Variants in GPC6 observed in about 807,000 individuals in gnomAD.
GPC6 encodes the protein glypican 6.
In GPC6, 14 loss-of-function variants were observed where a neutral mutation model predicts 55.2. The ratio of observed to expected loss-of-function variants is 0.25; its 90% CI spans 0.17 to 0.40. GPC6 has a LOEUF of 0.40. Among genes scored for constraint, GPC6 ranks in the 10% least tolerant of loss-of-function variants. GPC6 has a pLI of 1.00. For synonymous variants in GPC6, 278 were observed against 259.6 expected (o/e 1.07, Z -0.68); for missense variants, 641 against 708.5 (o/e 0.90, Z 1.08).
chr13:93,801,093 A>T (rs570046322), intron 2 of GPC6, among the ~76,000 whole-genome samples: 1 of 152,310 alleles, frequency 6.6e-6, no homozygotes, highest in East Asian at 1.9e-4. Context: ...AAAGTCTAAT[A>T]AAAAGCATTG....
chr13:94,113,742 C>A (rs936557774), intron 4 of GPC6, among the ~76,000 whole-genome samples: 2 of 151,992 alleles, frequency 1.3e-5, no homozygotes, highest in East Asian at 3.9e-4. Context: ...GACTATAGGC[C>A]GGGCATAGTA....
intron 2 of GPC6, among the ~76,000 whole-genome samples, chr13:93,711,435 A>G (rs1033177263): frequency 6.6e-6 from 1 of 151,754 alleles, no homozygotes. Flanking sequence ...CCTCCCTCAC[A>G]GGACACGTGG....
At chr13:93,287,291 A>G (rs751888032) in intron 1 of GPC6, among the ~76,000 whole-genome samples, 6 of 152,204 alleles carry the variant, frequency 3.9e-5, no homozygotes, top group East Asian at 1.9e-4. Flanking sequence ...AAAGTCGCCA[A>G]TGAGAACAGA....
rs566945389 is a variant in GPC6 at position 93,764,931 on chromosome 13, C to G, written c.320-65223C>G. On this transcript the variant is annotated intron_variant, in intron 2 of 8. Coordinates refer to ENST00000377047, the MANE Select transcript of GPC6 (RefSeq NM_005708.5). ...TCTGCTGCCTCAGCCTCCCGAGTAG[C>G]TGGGACTACAGGCGCGTGCCACCAC... is the stretch of plus-strand genomic sequence containing the variant. 4.1e-4 allele frequency among the ~76,000 whole-genome samples: 62 copies of G among 152,242 alleles called. 1 individual carries two copies. In the South Asian group the frequency reaches 0.012, roughly 29 times the overall value.
chr13:94,365,044 G>A (rs1035685828), intron 6 of GPC6, among the ~76,000 whole-genome samples: 2 of 152,156 alleles, frequency 1.3e-5, no homozygotes, highest in Non-Finnish European at 2.9e-5. Context: ...CTAGGAGATG[G>A]GACACACATC....
intron 1 of GPC6, among the ~76,000 whole-genome samples, chr13:93,479,554 C>T (rs532160774): frequency 5.9e-5 from 9 of 151,700 alleles, no homozygotes; most frequent in Non-Finnish European, 8.8e-5. Context: ...GAGGCCAAGG[C>T]GGGCAGATCA....
At chr13:93,761,475 A>G (rs1459209869) in intron 2 of GPC6, among the ~76,000 whole-genome samples, 3 of 152,292 alleles carry the variant, frequency 2.0e-5, no homozygotes, top group South Asian at 2.1e-4. Context: ...ATCTCCTGCT[A>G]TACCTGTGAA....
At chr13:94,267,379 T>C (rs1030114467) in intron 4 of GPC6, among the ~76,000 whole-genome samples, 5 of 152,196 alleles carry the variant, frequency 3.3e-5, no homozygotes, top group Admixed American at 2.6e-4. Flanking sequence ...ATATTTTTTC[T>C]GGGTCAAAAT....
chr13:93,865,462 C>T lies in GPC6; in HGVS notation c.711+34917C>T, dbSNP rs535416849. ...TCTGCTCTGCAGACAGACAGCACTT[C>T]GTTTAAGTGGCTTTCCAGATATCTC... On this transcript the variant is annotated intron_variant, in intron 3 of 8. Coordinates refer to ENST00000377047, the MANE Select transcript of GPC6 (RefSeq NM_005708.5). Among the ~76,000 whole-genome samples, 404 of 151,798 alleles carry T rather than the reference C, an allele frequency of 2.7e-3. 1 individual carries two copies. Among genetic ancestry groups the T allele is most frequent in the Non-Finnish European group, 3.8e-3 (260 of 67,788 alleles).
At chr13:93,959,257 A>C (rs1206486493) in intron 3 of GPC6, among the ~76,000 whole-genome samples, 3 of 150,400 alleles carry the variant, frequency 2.0e-5, no homozygotes, top group African/African-American at 7.4e-5. Flanking sequence ...CCGCCTCCCG[A>C]GTTCAAGCGA....
chr13:93,746,960 A>G (rs532374032), intron 2 of GPC6, among the ~76,000 whole-genome samples: 2 of 152,348 alleles, frequency 1.3e-5, no homozygotes, highest in South Asian at 4.1e-4. Context: ...AATTTTGAAG[A>G]CATATGTGAA....
chr13:93,710,947 T>G (rs916064088), intron 2 of GPC6, among the ~76,000 whole-genome samples: 2 of 151,804 alleles, frequency 1.3e-5, no homozygotes, highest in Non-Finnish European at 2.9e-5. Flanking sequence ...AAAAATAAAT[T>G]ACTTATTAGA....
At chr13:94,267,967 A>G (rs1891869274) in intron 4 of GPC6, among the ~76,000 whole-genome samples, 1 of 152,254 alleles carries the variant, frequency 6.6e-6, no homozygotes, top group African/African-American at 2.4e-5. Context: ...GAAAGAAACA[A>G]AAATTAAACA....
intron 4 of GPC6, among the ~76,000 whole-genome samples, chr13:94,208,032 A>G (rs1889957550): frequency 6.6e-6 from 1 of 152,166 alleles, no homozygotes; most frequent in African/African-American, 2.4e-5. Context: ...TGTCTCTCCA[A>G]TCCATAGAGA....
chr13:94,313,112 A>T lies in GPC6; in HGVS notation c.1152+6989A>T, dbSNP rs181382060. 1.4e-4 allele frequency among the ~76,000 whole-genome samples: 21 copies of T among 151,966 alleles called. No homozygotes were observed. In the East Asian group the frequency reaches 3.9e-3, roughly 28 times the overall value. ...AAAAACGTTAAAACCAAACCACCCA[A>T]CGTATTCTGTCTCGGTTTCTGCTCT... On this transcript the variant is annotated intron_variant, in intron 6 of 8. Coordinates refer to ENST00000377047, the MANE Select transcript of GPC6 (RefSeq NM_005708.5).
At chr13:93,788,173 A>T (rs1228391385) in intron 2 of GPC6, among the ~76,000 whole-genome samples, 1 of 152,134 alleles carries the variant, frequency 6.6e-6, no homozygotes, top group Non-Finnish European at 1.5e-5. Flanking sequence ...AAGATCAAGG[A>T]GCCGGTAGGT....
chr13:93,707,564 A>G (rs555266757), intron 2 of GPC6, among the ~76,000 whole-genome samples: 1 of 151,886 alleles, frequency 6.6e-6, no homozygotes, highest in African/African-American at 2.4e-5. Flanking sequence ...CATCAAGGCA[A>G]TTTCTGGACT....
chr13:93,857,426 G>T (rs1888658239), intron 3 of GPC6, among the ~76,000 whole-genome samples: 1 of 151,558 alleles, frequency 6.6e-6, no homozygotes, highest in African/African-American at 2.4e-5. Flanking sequence ...GTCCTGTCTT[G>T]TTTAGAGAAT....
intron 4 of GPC6, among the ~76,000 whole-genome samples, chr13:94,137,207 A>G (rs1887215893): frequency 6.6e-6 from 1 of 152,230 alleles, no homozygotes; most frequent in South Asian, 2.1e-4. Context: ...CAGCAATTGA[A>G]TACATGATTC....
Sources: gnomAD v4.1 joint callset for allele counts (sites outside exome capture counted in the v4.1 genomes callset) on GRCh38, gnomAD v4.1.1 for gene constraint, MANE v1.5 for transcripts, NCBI Gene and HGNC (gene_info 2026-07-23, HGNC 2026-07-21) for gene names.